Variants in ASIC2 observed in about 807,000 individuals in gnomAD.
The protein encoded by ASIC2 is acid-sensing ion channel 2.
Under a neutral mutation model 57.3 loss-of-function variants are expected in ASIC2, and 25 were observed. That is an observed-to-expected ratio of 0.44 (90% CI 0.32 to 0.61). The LOEUF (loss-of-function observed/expected upper bound fraction) is 0.61, where lower values mean the gene tolerates loss of function less well. ASIC2 is among the 20% of genes least tolerant of loss of function. The pLI, the probability that ASIC2 is intolerant of heterozygous loss-of-function variation, is 0.06. For missense variants in ASIC2, 641 were observed against 738.1 expected, an observed-to-expected ratio of 0.87 and a Z score of 1.52; for synonymous variants, 319 against 307.5, an observed-to-expected ratio of 1.04 and a Z score of -0.39.
chr17:33,786,478 T>C (rs1377385051), intron 1 of ASIC2, among the ~76,000 whole-genome samples: 1 of 152,180 alleles, frequency 6.6e-6, no homozygotes, highest in African/African-American at 2.4e-5. Context: ...AAACTTACTA[T>C]CTGCTATCAC....
intron 1 of ASIC2, among the ~76,000 whole-genome samples, chr17:33,144,530 G>C (rs116711154): frequency 0.011 from 1,667 of 152,234 alleles, 29 homozygotes; most frequent in African/African-American, 0.038. Context: ...CTTTACCCAA[G>C]CCAGTTAGAA....
chr17:33,104,101 A>T (rs2092225477), intron 2 of ASIC2, among the ~76,000 whole-genome samples: 1 of 151,614 alleles, frequency 6.6e-6, no homozygotes, highest in South Asian at 2.1e-4. Context: ...GTCGATTGCC[A>T]CTCGTCCATC....
At chr17:33,749,663 T>C (rs1181764671) in intron 1 of ASIC2, among the ~76,000 whole-genome samples, 1 of 152,044 alleles carries the variant, frequency 6.6e-6, no homozygotes, top group Non-Finnish European at 1.5e-5. Flanking sequence ...CTGTTACTTA[T>C]GGGAGGAGAG....
chr17:33,732,490 C>T (rs1909772726), intron 1 of ASIC2, among the ~76,000 whole-genome samples: 1 of 148,744 alleles, frequency 6.7e-6, no homozygotes, highest in Admixed American at 6.7e-5. Context: ...AAGATGCAGG[C>T]GCTAAGGAAA....
chr17:33,715,525 C>G (rs530185704), intron 1 of ASIC2, among the ~76,000 whole-genome samples: 2 of 152,230 alleles, frequency 1.3e-5, no homozygotes, highest in South Asian at 4.1e-4. Context: ...GTAGAATCCC[C>G]CAGATATTCA....
chr17:34,152,727 G>T (rs1441604573), intron 1 of ASIC2, among the ~76,000 whole-genome samples: 1 of 152,206 alleles, frequency 6.6e-6, no homozygotes, highest in Non-Finnish European at 1.5e-5. Context: ...GAGGACGCAA[G>T]ATACAACCAG....
chr17:33,428,423 G>A (rs763272066), intron 1 of ASIC2, among the ~76,000 whole-genome samples: 6 of 152,094 alleles, frequency 3.9e-5, no homozygotes, highest in Non-Finnish European at 5.9e-5. Flanking sequence ...TTAGGTATAG[G>A]GTATTGCCTC....
At chr17:33,127,884 G>A (rs2092330074) in intron 1 of ASIC2, among the ~76,000 whole-genome samples, 1 of 152,164 alleles carries the variant, frequency 6.6e-6, no homozygotes, top group Non-Finnish European at 1.5e-5. Flanking sequence ...TCTTGGTTTT[G>A]GGCTGGCATA....
chr17:33,773,499 C>A (rs1911177127), intron 1 of ASIC2, among the ~76,000 whole-genome samples: 1 of 152,078 alleles, frequency 6.6e-6, no homozygotes, highest in African/African-American at 2.4e-5. Flanking sequence ...AGACCAATCT[C>A]TCTTTTCATT....
At chr17:33,733,690 A>T (rs9908295) in intron 1 of ASIC2, among the ~76,000 whole-genome samples, 2 of 151,984 alleles carry the variant, frequency 1.3e-5, no homozygotes, top group Admixed American at 1.3e-4. Flanking sequence ...CTGCTAAGAA[A>T]TTAATATCCT....
At chr17:33,632,203 G>A (rs145694864) in intron 1 of ASIC2, among the ~76,000 whole-genome samples, 67 of 152,202 alleles carry the variant, frequency 4.4e-4, no homozygotes, top group Admixed American at 7.8e-4. Context: ...TATAATGCAC[G>A]GAAATCCCTT....
chr17:33,138,924 C>T (rs181883950), intron 1 of ASIC2, among the ~76,000 whole-genome samples: 19 of 152,276 alleles, frequency 1.2e-4, no homozygotes, highest in Non-Finnish European at 7.3e-5. Flanking sequence ...TAGAGAAAGG[C>T]CCTGGGTTGG....
At chr17:33,066,469 G>T (rs1463380661) in intron 3 of ASIC2, among the ~76,000 whole-genome samples, 1 of 152,096 alleles carries the variant, frequency 6.6e-6, no homozygotes, top group Non-Finnish European at 1.5e-5. Flanking sequence ...GGAGGGTAAA[G>T]GATGTCCTCA....
chr17:33,386,306 T>C (rs930548117), intron 1 of ASIC2, among the ~76,000 whole-genome samples: 21 of 152,200 alleles, frequency 1.4e-4, no homozygotes, highest in African/African-American at 4.6e-4. Flanking sequence ...GTCTGTCTCA[T>C]ATTCACCTTC....
At chr17:33,589,664 T>C (rs1904764645) in intron 1 of ASIC2, among the ~76,000 whole-genome samples, 1 of 152,238 alleles carries the variant, frequency 6.6e-6, no homozygotes, top group Non-Finnish European at 1.5e-5. Context: ...ACAATGTCCT[T>C]AGGATTCATC....
chr17:33,249,658 C>T (rs528038407), intron 1 of ASIC2, among the ~76,000 whole-genome samples: 1 of 152,326 alleles, frequency 6.6e-6, no homozygotes, highest in African/African-American at 2.4e-5. Context: ...GGCTGCAGCC[C>T]TGCCTTCTAA....
chr17:33,077,425 C>T (rs1486935217), intron 3 of ASIC2, among the ~76,000 whole-genome samples: 1 of 152,124 alleles, frequency 6.6e-6, no homozygotes, highest in Non-Finnish European at 1.5e-5. Context: ...AGAACCCTTG[C>T]CTTCAAAGGG....
intron 1 of ASIC2, among the ~76,000 whole-genome samples, chr17:33,765,159 G>A (rs894270898): frequency 6.6e-6 from 1 of 152,038 alleles, no homozygotes; most frequent in African/African-American, 2.4e-5. Flanking sequence ...AGGCTAGAGT[G>A]CAGTGGCGCT....
At chr17:33,198,549 C>T (rs1906730646) in intron 1 of ASIC2, among the ~76,000 whole-genome samples, 1 of 152,190 alleles carries the variant, frequency 6.6e-6, no homozygotes, top group African/African-American at 2.4e-5. Context: ...ACCTGTCCTG[C>T]CACCCTGCAC....
Sources: allele counts gnomAD v4.1 joint callset (sites outside exome capture counted in the v4.1 genomes callset), GRCh38; gene constraint gnomAD v4.1.1; transcripts MANE v1.5; gene names NCBI Gene and HGNC (gene_info 2026-07-23, HGNC 2026-07-21).